Variants in TBC1D12 observed in about 807,000 individuals in gnomAD.
The protein encoded by TBC1D12 is TBC1 domain family, member 12.
A neutral mutation model predicts 86.7 loss-of-function variants in TBC1D12; 56 were observed. The observed-to-expected ratio is 0.65, with a 90% CI of 0.52 to 0.81. The LOEUF (loss-of-function observed/expected upper bound fraction) is 0.81, where lower values mean the gene tolerates loss of function less well. Among genes scored for constraint, TBC1D12 ranks in the 30% least tolerant of loss-of-function variants. The pLI, the probability that TBC1D12 is intolerant of heterozygous loss-of-function variation, is 0.00. For missense variants in TBC1D12, 1,023 were observed against 1,038.8 expected, an observed-to-expected ratio of 0.98 and a Z score of 0.21; for synonymous variants, 421 against 411.7, an observed-to-expected ratio of 1.02 and a Z score of -0.27.
chr10:94,431,420 AAAAAAG>A lies in TBC1D12; in HGVS notation c.972-10471_972-10466del, dbSNP rs529056638. Among the ~76,000 whole-genome samples the A allele has an allele frequency of 4.7e-3, 619 of 132,522 alleles. 1 individual carries two copies. Among genetic ancestry groups the A allele is most frequent in the Middle Eastern group, 7.5e-3 (2 of 268 alleles). 86.9% of individuals were successfully genotyped at this position (132,522 alleles called of 152,430 possible). On this transcript the variant is annotated intron_variant, in intron 1 of 12. Coordinates refer to ENST00000225235, the MANE Select transcript of TBC1D12 (RefSeq NM_015188.2). ...ATAGAGCAAGACTCTTAAAAAAAAAAAAAAAGAAAAGAAAGAAAATAATTTGAAAAC... is the reference window on the plus strand; with the variant it reads ...ATAGAGCAAGACTCTTAAAAAAAAAAAAAAGAAAGAAAATAATTTGAAAAC...
chr10:94,464,891 T>G (rs1034167481), intron 2 of TBC1D12, among the ~76,000 whole-genome samples: 1 of 152,224 alleles, frequency 6.6e-6, no homozygotes, highest in Non-Finnish European at 1.5e-5. Flanking sequence ...ATCTCTTTAA[T>G]GTATGGCATA....
At chr10:94,434,258 C>T (rs2055261491) in intron 1 of TBC1D12, among the ~76,000 whole-genome samples, 1 of 152,212 alleles carries the variant, frequency 6.6e-6, no homozygotes, top group African/African-American at 2.4e-5. Context: ...GTAATCCCAG[C>T]ACTTTGGGAG....
At chr10:94,448,024 CAA>C (rs1161630740) in intron 2 of TBC1D12, among the ~76,000 whole-genome samples, 4 of 151,906 alleles carry the variant, frequency 2.6e-5, no homozygotes, top group African/African-American at 9.7e-5. Flanking sequence ...AGTTTTTCAT[CAA>C]TACACATGCC....
intron 3 of TBC1D12, among the ~76,000 whole-genome samples, chr10:94,477,962 A>G (rs1220772401): frequency 6.6e-6 from 1 of 152,224 alleles, no homozygotes; most frequent in Non-Finnish European, 1.5e-5. Flanking sequence ...TGTGCCCAGC[A>G]AATCATTTGC....
chr10:94,507,284 C>A lies in TBC1D12; in HGVS notation c.1537C>A (p.Leu513Ile). The A allele has an allele frequency of 6.2e-7, 1 of 1,610,794 alleles. No individual in the cohort carries two copies. The highest frequency in any genetic ancestry group is 2.2e-5 in the East Asian group (1 of 44,732). The change falls in exon 7 of 13, where the codon CTC becomes ATC. Residue 513 changes from leucine (L) to isoleucine (I), a missense_variant. Around this residue, in one of 2 missense-constraint regions of TBC1D12, gnomAD observed 395 missense variants for 507.7 expected, o/e 0.78. Coordinates refer to ENST00000225235, the MANE Select transcript of TBC1D12 (RefSeq NM_015188.2). Reference sequence around the variant, plus strand: ...ACCCCCAGAACTTTATGAAATCTTCCTCTCAAGAGCAAAAGAACGGTGGAA... The same window carrying A: ...ACCCCCAGAACTTTATGAAATCTTCATCTCAAGAGCAAAAGAACGGTGGAA... Reference protein sequence around the residue: ...NITPELYEIFLSRAKERWKSF... With the variant: ...NITPELYEIFISRAKERWKSF...
chr10:94,526,442 A>G (rs1052022091), intron 11 of TBC1D12, among the ~76,000 whole-genome samples: 2 of 152,044 alleles, frequency 1.3e-5, no homozygotes, highest in Non-Finnish European at 2.9e-5. Context: ...GAAAAAAAAA[A>G]AAAAAGAAAG....
At position 94,474,603 on chromosome 10, in the gene TBC1D12, C is replaced by T. The variant is rs1425009545; in HGVS notation, c.1096-65C>T. ...TTATAGCATAATATTTTTAATGATA[C>T]AGATTTAATAGTACAAACTATGTTG... On this transcript the variant is annotated intron_variant, in intron 2 of 12. Transcript: ENST00000225235. 31 of 1,120,582 alleles carry T rather than the reference C, an allele frequency of 2.8e-5. 2 individuals carry two copies. In the South Asian group the frequency reaches 4.1e-4, roughly 15 times the overall value. The allele number at this position is 1,120,582 out of a possible 1,614,324, so 69.4% of individuals were successfully genotyped here.
chr10:94,403,096 G>T lies in TBC1D12; in HGVS notation c.483G>T (p.Arg161=). The change falls in exon 1 of 13, where the codon CGG becomes CGT. Residue 161 remains arginine, a synonymous_variant. Transcript: ENST00000225235. ...GCGGGCTGGCGCGCGCCGGCGGCCG[G>T]GAGTCGCGCCGCCGCCGCCCCTACG... ...EARGLARAGG[R]ESRRRRPYGR... 1.4e-6 allele frequency: 2 copies of T among 1,406,056 alleles called. No individual in the cohort carries two copies. The highest frequency in any genetic ancestry group is 3.1e-5 in the East Asian group (1 of 32,612). The allele number at this position is 1,406,056 out of a possible 1,614,324, so 87.1% of individuals were successfully genotyped here.
At chr10:94,416,448 TC>T (rs1470421391) in intron 1 of TBC1D12, among the ~76,000 whole-genome samples, 2 of 152,014 alleles carry the variant, frequency 1.3e-5, no homozygotes, top group African/African-American at 2.4e-5. Context: ...AGTCCCAATT[TC>T]CCCCCTAGAG....
At chr10:94,455,548 A>G (rs1439856205) in intron 2 of TBC1D12, among the ~76,000 whole-genome samples, 1 of 152,198 alleles carries the variant, frequency 6.6e-6, no homozygotes, top group African/African-American at 2.4e-5. Flanking sequence ...ATTATTAATT[A>G]TTGATTCAGT....
intron 3 of TBC1D12, among the ~76,000 whole-genome samples, chr10:94,483,818 C>T (rs1226226004): frequency 1.3e-5 from 2 of 151,954 alleles, no homozygotes; most frequent in African/African-American, 4.8e-5. Context: ...CTATGGTTGC[C>T]TGTGCTTGTG....
chr10:94,453,211 T>C (rs776332557), intron 2 of TBC1D12, among the ~76,000 whole-genome samples: 2 of 152,190 alleles, frequency 1.3e-5, no homozygotes, highest in Non-Finnish European at 2.9e-5. Context: ...ATACCTTCTT[T>C]CTATGGCTTG....
intron 1 of TBC1D12, among the ~76,000 whole-genome samples, chr10:94,434,499 C>T (rs1425581237): frequency 6.7e-6 from 1 of 148,176 alleles, no homozygotes; most frequent in Admixed American, 6.7e-5. Flanking sequence ...CAGCAAGACT[C>T]CATTTAAAAA....
intron 1 of TBC1D12, among the ~76,000 whole-genome samples, chr10:94,413,485 C>CCTGCACACTGCACA (rs2054954753): frequency 6.6e-6 from 1 of 152,116 alleles, no homozygotes; most frequent in African/African-American, 2.4e-5. Flanking sequence ...AAGAAGAAAT[C>CCTGCACACTGCACA]CTGCACACTG....
intron 2 of TBC1D12, among the ~76,000 whole-genome samples, chr10:94,470,428 G>A (rs1464435470): frequency 6.6e-6 from 1 of 152,066 alleles, no homozygotes; most frequent in Non-Finnish European, 1.5e-5. Flanking sequence ...GCAGTGGAAT[G>A]ATTATGACCC....
chr10:94,439,096 G>GC (rs572495824), intron 1 of TBC1D12, among the ~76,000 whole-genome samples: 224 of 152,184 alleles, frequency 1.5e-3, no homozygotes, highest in African/African-American at 5.1e-3. Flanking sequence ...GAGCCACCAT[G>GC]CCCCGCTCCA....
chr10:94,407,611 G>T (rs949955458), intron 1 of TBC1D12, among the ~76,000 whole-genome samples: 1 of 151,992 alleles, frequency 6.6e-6, no homozygotes, highest in Admixed American at 6.6e-5. Context: ...TAGAACCCTG[G>T]GGGGAGGTTG....
intron 1 of TBC1D12, among the ~76,000 whole-genome samples, chr10:94,417,487 T>C (rs1299169343): frequency 6.6e-6 from 1 of 152,182 alleles, no homozygotes; most frequent in African/African-American, 2.4e-5. Context: ...GTAAGGAATT[T>C]AATGAGGATG....
In TBC1D12 at chr10:94,439,831, T is replaced by C. The variant is rs552995160; in HGVS notation, c.972-2065T>C. On this transcript the variant is annotated intron_variant, in intron 1 of 12. Transcript: ENST00000225235. ...AGAAATAATAAAAAGATAAACAAATTGGAAGGAAAATGATAGCCATAAATA... is the reference window on the plus strand; with the variant it reads ...AGAAATAATAAAAAGATAAACAAATCGGAAGGAAAATGATAGCCATAAATA... Among the ~76,000 whole-genome samples, 291 of 152,282 alleles carry C rather than the reference T, an allele frequency of 1.9e-3. 1 individual carries two copies. Among genetic ancestry groups the C allele is most frequent in the South Asian group, 4.2e-3 (20 of 4,816 alleles).
Sources: allele counts gnomAD v4.1 joint callset (sites outside exome capture counted in the v4.1 genomes callset), GRCh38; gene constraint gnomAD v4.1.1; regional missense constraint gnomAD v4.1.1; transcripts MANE v1.5; gene names NCBI Gene and HGNC (gene_info 2026-07-23, HGNC 2026-07-21).